DNAH3: variants seen among roughly 807,000 people sequenced by gnomAD.
The protein encoded by DNAH3 is axonemal beta dynein heavy chain 3.
In DNAH3, 332 loss-of-function variants were observed where a neutral mutation model predicts 432.5. That is an observed-to-expected ratio of 0.77 (90% CI 0.70 to 0.84). DNAH3 has a LOEUF of 0.84. Ranked by LOEUF, DNAH3 falls within the 40% of genes least tolerant of loss-of-function variation. The pLI is 0.00. For synonymous variants in DNAH3, 1,956 were observed against 1,900.2 expected, an observed-to-expected ratio of 1.03 and a Z score of -0.76; for missense variants, 4,861 against 5,114.0, an observed-to-expected ratio of 0.95 and a Z score of 1.51.
intron 56 of DNAH3, 68 bp downstream of exon 56, chr16:20,952,362 GGGA>G (rs1421050287): frequency 3.0e-5 from 28 of 925,290 alleles, no homozygotes; most frequent in Middle Eastern, 2.1e-4. Context: ...GAATGGAAAT[GGGA>G]GGAGAACAGC....
At chr16:21,134,390 C>T (rs1456165427) in exon 7 of DNAH3, 6 of 1,614,074 alleles carry the variant, frequency 3.7e-6, no homozygotes, top group Non-Finnish European at 5.1e-6. Flanking sequence ...TTTGAGGAAA[C>T]AAGCGGGGGA....
chr16:20,977,018 T>C (rs2085624551), intron 50 of DNAH3, among the ~76,000 whole-genome samples: 1 of 152,234 alleles, frequency 6.6e-6, no homozygotes, highest in Non-Finnish European at 1.5e-5. Flanking sequence ...TTCTGGTCTC[T>C]GAACTCCTCT....
At chr16:21,106,199 AG>A (rs1347489116) in intron 15 of DNAH3, among the ~76,000 whole-genome samples, 6 of 150,692 alleles carry the variant, frequency 4.0e-5, no homozygotes, top group Non-Finnish European at 8.9e-5. Context: ...AAAAAAAAAA[AG>A]AACTGGAGGT....
At chr16:21,154,784 A>G (rs1422366662) in intron 1 of DNAH3, among the ~76,000 whole-genome samples, 1 of 152,174 alleles carries the variant, frequency 6.6e-6, no homozygotes, top group African/African-American at 2.4e-5. Flanking sequence ...CCTACATGTA[A>G]TCTGAGGAAA....
chr16:21,087,192 G>C, intron 18 of DNAH3, 132 bp from the exon 19 acceptor site: 1 of 743,212 alleles, frequency 1.3e-6, no homozygotes, highest in Admixed American at 2.4e-5. Flanking sequence ...TTGAGGATCT[G>C]AAACCTGCAC....
chr16:20,952,443 G>T (rs7199676), exon 56 of DNAH3: 20 of 1,604,926 alleles, frequency 1.2e-5, no homozygotes, highest in Non-Finnish European at 1.6e-5. Flanking sequence ...CTGTCAGGTA[G>T]GTCAGAGCAT....
chr16:21,051,427 G>A (rs916359234), intron 29 of DNAH3, among the ~76,000 whole-genome samples: 3 of 152,170 alleles, frequency 2.0e-5, no homozygotes, highest in African/African-American at 2.4e-5. Context: ...TCATGTTCAC[G>A]GATGTGCACC....
intron 3 of DNAH3, among the ~76,000 whole-genome samples, chr16:21,144,315 T>C (rs1167050962): frequency 6.6e-6 from 1 of 152,194 alleles, no homozygotes; most frequent in Admixed American, 6.5e-5. Context: ...ATGGGTTCTC[T>C]CTTGCTGGCT....
In DNAH3 at chr16:21,111,773, T is replaced by A. The variant is rs374977853; in HGVS notation, c.1952A>T (p.Glu651Val). 7 of 1,613,790 alleles carry A rather than the reference T, an allele frequency of 4.3e-6. No individual in the cohort carries two copies. In the African/African-American group the frequency reaches 9.3e-5, roughly 22 times the overall value. Residue 651 changes from glutamate (E) to valine (V), a missense_variant, in exon 14 of 62, where the codon GAA becomes GTA. Coordinates refer to ENST00000261383, the Ensembl canonical transcript of DNAH3. ...CACGGTGATGTTCATGGATGCAATT[T>A]CATTTCTCCGTTTCTTTATGGCATT...
intron 44 of DNAH3, among the ~76,000 whole-genome samples, chr16:20,990,246 G>C (rs948477475): frequency 5.3e-5 from 8 of 152,268 alleles, no homozygotes; most frequent in Admixed American, 2.0e-4. Flanking sequence ...ATTCTCCCCT[G>C]CTAATTTGGT....
chr16:21,060,302 G>C (rs201916932), exon 26 of DNAH3: 1 of 1,613,866 alleles, frequency 6.2e-7, no homozygotes, highest in Admixed American at 1.7e-5. Flanking sequence ...ATGACTTCTC[G>C]CATACTGGCC....
At position 20,942,422 on chromosome 16, in the gene DNAH3, G is replaced by T. The variant is rs571603648; in HGVS notation, c.11512-879C>A. Among the ~76,000 whole-genome samples, 10 of 152,334 alleles carry T rather than the reference G, an allele frequency of 6.6e-5. No homozygotes were observed. The South Asian group carries it at 2.1e-3, about 32-fold the overall frequency. On this transcript the variant is annotated intron_variant, in intron 58 of 61. Coordinates refer to ENST00000261383, the Ensembl canonical transcript of DNAH3. ...GAGACAGACACCCTGTGGTCCTGTG[G>T]ATGTGGGAGGCTGGGATGTATAATT...
intron 47 of DNAH3, among the ~76,000 whole-genome samples, chr16:20,986,244 C>T (rs912666944): frequency 5.9e-5 from 9 of 151,844 alleles, no homozygotes; most frequent in Non-Finnish European, 1.0e-4. Context: ...GTGGCTCATG[C>T]CTGTAGTCCC....
chr16:20,985,334 G>C (rs375910203), exon 48 of DNAH3: 2 of 1,614,042 alleles, frequency 1.2e-6, no homozygotes, highest in Non-Finnish European at 1.7e-6. Flanking sequence ...AGATCTTCTC[G>C]CCAGTCATTG....
At chr16:21,124,738 C>T (rs1393624199) in intron 9 of DNAH3, among the ~76,000 whole-genome samples, 1 of 152,038 alleles carries the variant, frequency 6.6e-6, no homozygotes, top group Non-Finnish European at 1.5e-5. Context: ...CAACTTCCGC[C>T]GCCTGGGTTC....
chr16:21,000,090 T>G lies in DNAH3; in HGVS notation c.6421+134A>C, dbSNP rs2086945104. The G allele has an allele frequency of 1.3e-5, 11 of 871,474 alleles. No homozygotes were observed. In the South Asian group the frequency reaches 2.2e-4, roughly 18 times the overall value. The allele number at this position is 871,474 out of a possible 1,614,324, so 54.0% of individuals were successfully genotyped here. ...GAAGAGGAGAGAATGAATACTAAGC[T>G]ATATTAACTGGAAATATTTGATCTC... On this transcript the variant is annotated intron_variant, in intron 43 of 61. Transcript: ENST00000261383.
At chr16:21,051,599 T>C in intron 29 of DNAH3, 71 bp downstream of exon 29, 1 of 1,506,278 alleles carries the variant, frequency 6.6e-7, no homozygotes, top group Non-Finnish European at 9.2e-7. Flanking sequence ...CATCCCTAAC[T>C]TTCCTCCCCA....
chr16:20,940,005 G>A (rs1302143484), intron 59 of DNAH3, among the ~76,000 whole-genome samples: 1 of 152,226 alleles, frequency 6.6e-6, no homozygotes, highest in African/African-American at 2.4e-5. Context: ...CAAGGCCAGA[G>A]ATCCTTGCCC....
intron 24 of DNAH3, among the ~76,000 whole-genome samples, chr16:21,063,194 C>G (rs1225150088): frequency 6.6e-6 from 1 of 152,178 alleles, no homozygotes; most frequent in Non-Finnish European, 1.5e-5. Flanking sequence ...ACCTGGGGAG[C>G]TTATACAAAA....
Sources: allele counts gnomAD v4.1 joint callset (sites outside exome capture counted in the v4.1 genomes callset), GRCh38; gene constraint gnomAD v4.1.1; transcripts MANE v1.5; gene names NCBI Gene and HGNC (gene_info 2026-07-23, HGNC 2026-07-21).